KATNAL2: variants seen among roughly 807,000 people sequenced by gnomAD.
KATNAL2 encodes the protein katanin catalytic subunit A1 like 2, also known as katanin p60 ATPase-containing subunit A-like 2.
In KATNAL2, 52 loss-of-function variants were observed where a neutral mutation model predicts 76.3. The observed-to-expected ratio is 0.68, with a 90% CI of 0.55 to 0.86. The LOEUF is 0.86. Among genes scored for constraint, KATNAL2 ranks in the 40% least tolerant of loss-of-function variants. The pLI is 0.00. For missense variants in KATNAL2, 660 were observed against 668.9 expected, an observed-to-expected ratio of 0.99 and a Z score of 0.15; for synonymous variants, 243 against 244.2, an observed-to-expected ratio of 1.00 and a Z score of 0.05.
intron 13 of KATNAL2, among the ~76,000 whole-genome samples, chr18:47,073,540 A>G (rs990052710): frequency 2.6e-5 from 4 of 152,214 alleles, no homozygotes; most frequent in African/African-American, 4.8e-5. Flanking sequence ...CAAAGAAAGC[A>G]AACCCTTCAG....
intron 3 of KATNAL2, among the ~76,000 whole-genome samples, chr18:46,957,470 G>A (rs889164116): frequency 1.8e-4 from 27 of 151,390 alleles, no homozygotes; most frequent in Middle Eastern, 3.4e-3. Context: ...TAGCCAGGAC[G>A]GTCTCCATCT....
intron 3 of KATNAL2, among the ~76,000 whole-genome samples, chr18:46,954,326 C>CTTTTTTTTTTTTTTTTTT (rs57075892): frequency 8.3e-6 from 1 of 121,138 alleles, no homozygotes. Flanking sequence ...TCTTCTTCGT[C>CTTTTTTTTTTTTTTTTTT]TTTTTTTTTT....
At chr18:47,036,807 C>A (rs2060791817) in intron 3 of KATNAL2, among the ~76,000 whole-genome samples, 1 of 152,238 alleles carries the variant, frequency 6.6e-6, no homozygotes, top group Non-Finnish European at 1.5e-5. Flanking sequence ...TTGACCAATT[C>A]TGACATTGTA....
chr18:46,937,865 A>G (rs1456760797), intron 1 of KATNAL2, among the ~76,000 whole-genome samples: 2 of 152,220 alleles, frequency 1.3e-5, no homozygotes, highest in Admixed American at 6.5e-5. Context: ...GCACTCTGAG[A>G]AGCCGAGGCA....
At chr18:46,921,451 C>T (rs2058540759) in intron 1 of KATNAL2, among the ~76,000 whole-genome samples, 1 of 152,090 alleles carries the variant, frequency 6.6e-6, no homozygotes, top group Non-Finnish European at 1.5e-5. Flanking sequence ...TTTTAATACA[C>T]GAAGTCAAAA....
At chr18:47,050,013 C>T (rs562605017) in intron 4 of KATNAL2, among the ~76,000 whole-genome samples, 4 of 152,256 alleles carry the variant, frequency 2.6e-5, no homozygotes, top group Admixed American at 1.3e-4. Context: ...ACTGCAGGTG[C>T]GTGCCGCCAT....
chr18:46,927,648 G>A (rs2058770935), intron 1 of KATNAL2, among the ~76,000 whole-genome samples: 1 of 152,134 alleles, frequency 6.6e-6, no homozygotes, highest in African/African-American at 2.4e-5. Context: ...CTAGATTGGG[G>A]AAGTTCTCCT....
chr18:47,062,103 G>T (rs906263267), intron 8 of KATNAL2, among the ~76,000 whole-genome samples: 4 of 152,078 alleles, frequency 2.6e-5, no homozygotes, highest in Non-Finnish European at 5.9e-5. Context: ...AAGTAGGCTG[G>T]GTATGCTGGT....
chr18:46,929,401 C>T (rs1211341569), intron 1 of KATNAL2, among the ~76,000 whole-genome samples: 1 of 151,926 alleles, frequency 6.6e-6, no homozygotes, highest in Non-Finnish European at 1.5e-5. Flanking sequence ...TGCCACCATG[C>T]CCAGCAAATT....
At chr18:46,938,255 A>G (rs997712044) in intron 1 of KATNAL2, among the ~76,000 whole-genome samples, 27 of 152,334 alleles carry the variant, frequency 1.8e-4, no homozygotes, top group Non-Finnish European at 2.4e-4. Context: ...CATAAATGCT[A>G]TATATTCATG....
At chr18:47,064,642 G>A (rs909354007) in intron 10 of KATNAL2, among the ~76,000 whole-genome samples, 2 of 152,192 alleles carry the variant, frequency 1.3e-5, no homozygotes, top group African/African-American at 4.8e-5. Context: ...GACTGAGCCA[G>A]GCTGCAGTAA....
At chr18:46,955,171 T>TTTCTTTCTTTCTTTCC (rs1342056911) in intron 3 of KATNAL2, among the ~76,000 whole-genome samples, 9 of 148,500 alleles carry the variant, frequency 6.1e-5, no homozygotes, top group Admixed American at 4.1e-4. Flanking sequence ...TCTTTCTTTC[T>TTTCTTTCTTTCTTTCC]TTCTTTCTTT....
chr18:47,099,999 T>G (rs74439498), intron 16 of KATNAL2, among the ~76,000 whole-genome samples: 1,929 of 152,322 alleles, frequency 0.013, 11 homozygotes, highest in Non-Finnish European at 0.02. Flanking sequence ...TTGGGTGTTC[T>G]GATCCTTCAC....
intron 3 of KATNAL2, among the ~76,000 whole-genome samples, chr18:46,950,985 T>C (rs1768256100): frequency 6.6e-6 from 1 of 152,086 alleles, no homozygotes; most frequent in Admixed American, 6.6e-5. Flanking sequence ...TGCCCGGCGA[T>C]GTTCATACTC....
rs1257546124 is a variant in KATNAL2 at position 46,917,642 on chromosome 18, G to C, written c.-794G>C. On this transcript the variant is annotated 5_prime_UTR_variant, in exon 1 of 18. Transcript: ENST00000683218. ...AGCGCCCGCCCGCGCCTGCCCCGGC[G>C]TGCTGCCCCGCGGCTTGGCCCCGCT... 10 of 799,928 alleles carry C rather than the reference G, an allele frequency of 1.3e-5. No individual in the cohort carries two copies. The highest frequency in any genetic ancestry group is 6.1e-5 in the Admixed American group (1 of 16,452). 49.6% of individuals were successfully genotyped at this position (799,928 alleles called of 1,614,324 possible).
At chr18:47,032,154 A>C (rs1394964746) in intron 3 of KATNAL2, among the ~76,000 whole-genome samples, 4 of 152,212 alleles carry the variant, frequency 2.6e-5, no homozygotes, top group Admixed American at 6.5e-5. Flanking sequence ...TTTGGGAATG[A>C]TTCTATGTGT....
intron 15 of KATNAL2, among the ~76,000 whole-genome samples, chr18:47,079,588 G>A (rs909382794): frequency 6.6e-5 from 10 of 151,694 alleles, no homozygotes; most frequent in African/African-American, 2.2e-4. Context: ...ATAGAGATGG[G>A]GTTTCACCAT....
intron 3 of KATNAL2, among the ~76,000 whole-genome samples, chr18:46,949,149 C>T (rs1356358010): frequency 2.0e-5 from 3 of 152,102 alleles, no homozygotes; most frequent in East Asian, 1.9e-4. Flanking sequence ...CCTCCCACCT[C>T]GGCCTCCCAC....
At chr18:47,042,726 AAATC>A (rs2061003790) in intron 3 of KATNAL2, among the ~76,000 whole-genome samples, 1 of 152,216 alleles carries the variant, frequency 6.6e-6, no homozygotes, top group South Asian at 2.1e-4. Context: ...AAGTCTTTAA[AAATC>A]AGTTCAGGAT....
Sources: gnomAD v4.1 joint callset for allele counts (sites outside exome capture counted in the v4.1 genomes callset) on GRCh38, gnomAD v4.1.1 for gene constraint, MANE v1.5 for transcripts, NCBI Gene and HGNC (gene_info 2026-07-23, HGNC 2026-07-21) for gene names.